DHRS12: variants seen among roughly 807,000 people sequenced by gnomAD.
The protein encoded by DHRS12 is dehydrogenase/reductase 12.
Under a neutral mutation model 32.1 loss-of-function variants are expected in DHRS12, and 29 were observed. That is an observed-to-expected ratio of 0.90 (90% CI 0.67 to 1.23). The LOEUF is 1.23. Ranked by LOEUF, DHRS12 falls within the 50% of genes most tolerant of loss-of-function variation. The probability of loss-of-function intolerance (pLI) is 0.00; values close to 1 mark genes in which losing one functional copy is unlikely to be tolerated. For synonymous variants in DHRS12, 150 were observed against 135.9 expected, an observed-to-expected ratio of 1.10 and a Z score of -0.72; for missense variants, 330 against 337.2, an observed-to-expected ratio of 0.98 and a Z score of 0.17.
intron 2 of DHRS12, among the ~76,000 whole-genome samples, chr13:51,792,690 G>A (rs561498164): frequency 1.3e-5 from 2 of 152,090 alleles, no homozygotes; most frequent in East Asian, 3.9e-4. Flanking sequence ...ATGAGCCACC[G>A]TGCCCAGCTT....
At chr13:51,789,912 A>C in intron 4 of DHRS12, 99 bp downstream of exon 4, 3 of 1,425,082 alleles carry the variant, frequency 2.1e-6, no homozygotes, top group Non-Finnish European at 2.8e-6. Flanking sequence ...CAGGCCCAGG[A>C]CCAAGAACCA....
chr13:51,770,308 A>G (rs1953953205), intron 7 of DHRS12, among the ~76,000 whole-genome samples: 1 of 152,170 alleles, frequency 6.6e-6, no homozygotes, highest in African/African-American at 2.4e-5. Context: ...GTGGCCACAG[A>G]CAGGTTGTGT....
chr13:51,779,062 CT>C (rs1213109207), intron 4 of DHRS12, among the ~76,000 whole-genome samples: 1 of 152,100 alleles, frequency 6.6e-6, no homozygotes, highest in African/African-American at 2.4e-5. Flanking sequence ...TCTCCCTTTT[CT>C]TGAGTCACGT....
intron 2 of DHRS12, among the ~76,000 whole-genome samples, chr13:51,793,918 G>A (rs570042307): frequency 3.9e-5 from 6 of 152,360 alleles, no homozygotes; most frequent in South Asian, 4.1e-4. Context: ...TCCTGGAAGC[G>A]CCTGAGATGT....
At chr13:51,802,634 T>C (rs1214261989) in intron 1 of DHRS12, among the ~76,000 whole-genome samples, 2 of 152,230 alleles carry the variant, frequency 1.3e-5, no homozygotes, top group Admixed American at 1.3e-4. Context: ...CCTCCTGCCT[T>C]AGGAGCCCAA....
chr13:51,762,047 GT>G, the DHRS12 span: 1 of 152,208 alleles, frequency 6.6e-6, no homozygotes, highest in Non-Finnish European at 1.5e-5. Context: ...CTATTTTGTA[GT>G]TTATTACTAG....
Position 51,768,202 on chromosome 13 carries a change from A to G in DHRS12, c.792T>C (p.Ala264=). ...EKLIEILEQL[A]QTFK ...CTGGGTTGGCCTATTTAAATGTCTG[A>G]GCCAGCTGTTCCAGGATTTCAATGA... Residue 264 remains alanine (A), a synonymous_variant, in exon 9 of 9, where the codon GCT becomes GCC. Transcript: ENST00000444610. 1 of 1,536,100 alleles carries G rather than the reference A, an allele frequency of 6.5e-7. No individual in the cohort carries two copies. Among genetic ancestry groups the G allele is most frequent in the Middle Eastern group, 1.7e-4 (1 of 5,988 alleles).
chr13:51,759,832 A>G, the DHRS12 span: 1 of 1,069,612 alleles, frequency 9.3e-7, no homozygotes, highest in Non-Finnish European at 1.3e-6. Context: ...AACCCAAATC[A>G]TTACCAGAGT....
chr13:51,799,037 G>C (rs1955634749), intron 2 of DHRS12, among the ~76,000 whole-genome samples: 2 of 152,174 alleles, frequency 1.3e-5, no homozygotes, highest in Non-Finnish European at 2.9e-5. Context: ...CCAGCAAGGA[G>C]GAAGTTTAGT....
At chr13:51,757,687 G>T in the DHRS12 span, among the ~76,000 whole-genome samples, 1 of 151,336 alleles carries the variant, frequency 6.6e-6, no homozygotes, top group Non-Finnish European at 1.5e-5. Context: ...TTTTTATTTT[G>T]TTTTGCTTGT....
the DHRS12 span, among the ~76,000 whole-genome samples, chr13:51,757,636 TA>T: frequency 1.6e-3 from 234 of 142,390 alleles, no homozygotes; most frequent in Middle Eastern, 7.4e-3. Context: ...TCTTCTTACT[TA>T]AAAAAAAAAA....
rs553977485 is a variant in DHRS12, at chr13:51,770,642, C to T, written c.559+1179G>A. 3.1e-4 allele frequency: 155 copies of T among 499,176 alleles called. 2 individuals are homozygous for T. The highest frequency in any genetic ancestry group is 3.1e-3 in the African/African-American group (147 of 47,694). The allele number at this position is 499,176 out of a possible 1,614,324, so 30.9% of individuals were successfully genotyped here. The stretch of plus-strand genomic sequence containing the variant: ...TCCTTTCTGTATTTAAGACAGGAGA[C>T]TCAGATCTGTACAGGTGAGGACTAA... On this transcript the variant is annotated intron_variant, in intron 7 of 8. Coordinates refer to ENST00000444610, the MANE Select transcript of DHRS12 (RefSeq NM_001377533.1).
chr13:51,777,060 C>T lies in DHRS12; in HGVS notation c.363G>A (p.Val121=). Residue 121 remains valine (V), a splice_region_variant and synonymous_variant, in exon 5 of 9, where the codon GTG becomes GTA. Transcript: ENST00000444610. The part of the protein sequence containing the change: ...PVLEKEHDPR[V]ITVSSGGMLV... ...AAAACATCCCATAAGGTCAACTCACCACTCGGGGGTCGTGTTCTTTCTCCA... is the reference window on the plus strand; with the variant it reads ...AAAACATCCCATAAGGTCAACTCACTACTCGGGGGTCGTGTTCTTTCTCCA... 2 of 1,614,114 alleles carry T rather than the reference C, an allele frequency of 1.2e-6. No homozygotes were observed. The highest frequency in any genetic ancestry group is 1.7e-6 in the Non-Finnish European group (2 of 1,180,016).
the DHRS12 span, among the ~76,000 whole-genome samples, chr13:51,755,926 A>G: frequency 1.4e-3 from 213 of 152,284 alleles, 3 homozygotes; most frequent in Non-Finnish European, 7.4e-5. Flanking sequence ...TAGGCTTACC[A>G]TGGCCAAAGT....
At chr13:51,758,331 A>G in the DHRS12 span, 4 of 1,503,892 alleles carry the variant, frequency 2.7e-6, no homozygotes, top group African/African-American at 1.4e-5. Flanking sequence ...GAAGCTTTCC[A>G]TCTTTGGCCT....
rs994656608 is a variant in DHRS12 at position 51,801,335 on chromosome 13, C to T, written c.-8-1668G>A. ...CTGAGTAGCTGGGGTTATAAGCGCC[C>T]GTCACCACACCCGGCTAATTTTTGT... On this transcript the variant is annotated intron_variant, in intron 1 of 8. Transcript: ENST00000444610. Among the ~76,000 whole-genome samples the T allele has an allele frequency of 4.6e-5, 7 of 152,222 alleles. No individual in the cohort carries two copies. The South Asian group carries it at 8.3e-4, about 18-fold the overall frequency.
At chr13:51,777,987 C>T (rs1164997138) in intron 4 of DHRS12, among the ~76,000 whole-genome samples, 6 of 152,228 alleles carry the variant, frequency 3.9e-5, no homozygotes, top group African/African-American at 1.4e-4. Flanking sequence ...TGGGCTCTTT[C>T]CTGGGCTATG....
intron 2 of DHRS12, among the ~76,000 whole-genome samples, chr13:51,794,126 A>G (rs566097678): frequency 4.3e-4 from 66 of 152,348 alleles, no homozygotes; most frequent in Non-Finnish European, 8.7e-4. Flanking sequence ...AACTGGAAAC[A>G]GGTGCATGTG....
chr13:51,779,287 C>T (rs930823093), intron 4 of DHRS12, among the ~76,000 whole-genome samples: 6 of 152,234 alleles, frequency 3.9e-5, no homozygotes, highest in African/African-American at 1.4e-4. Context: ...ACTCCTCAGC[C>T]TGGTGCAGTA....
Sources: allele counts gnomAD v4.1 joint callset (sites outside exome capture counted in the v4.1 genomes callset), GRCh38; gene constraint gnomAD v4.1.1; transcripts MANE v1.5; gene names NCBI Gene and HGNC (gene_info 2026-07-23, HGNC 2026-07-21).